Variants in COLEC12 observed in about 807,000 individuals in gnomAD.
COLEC12 encodes collectin-12.
COLEC12 carries 33 observed loss-of-function variants against 71.1 expected under a neutral mutation model. That is an observed-to-expected ratio of 0.46 (90% CI 0.35 to 0.62). The LOEUF is 0.62. Ranked by LOEUF, COLEC12 falls within the 20% of genes least tolerant of loss-of-function variation. The pLI, the probability that COLEC12 is intolerant of heterozygous loss-of-function variation, is 0.00. For missense variants in COLEC12, 765 were observed against 916.1 expected, an observed-to-expected ratio of 0.84 and a Z score of 2.13; for synonymous variants, 350 against 353.0, an observed-to-expected ratio of 0.99 and a Z score of 0.10.
At position 480,434 on chromosome 18, in the gene COLEC12, C is replaced by G. The variant is rs908820098; in HGVS notation, c.58+273G>C. On this transcript the variant is annotated intron_variant, in intron 2 of 9. Transcript: ENST00000400256. The surrounding 1 kb of genome is among the most constrained non-coding windows in gnomAD (Gnocchi z 4.1). ...ATTTGCCTTTCCCGCTACACTTTGT[C>G]TAGTAGGCTGTCTCTTTTCCATTCA... is the stretch of plus-strand genomic sequence containing the variant. Among the ~76,000 whole-genome samples, 8 of 152,342 alleles carry G rather than the reference C, an allele frequency of 5.3e-5. No individual in the cohort carries two copies. Among genetic ancestry groups the G allele is most frequent in the Admixed American group, 5.2e-4 (8 of 15,296 alleles).
intron 3 of COLEC12, 48 bp from the exon 4 acceptor site, chr18:348,211 T>A (rs773414418): frequency 8.5e-7 from 1 of 1,171,296 alleles, no homozygotes; most frequent in Non-Finnish European, 1.3e-6. Flanking sequence ...GCTCATATTT[T>A]ATTTTTCAGT....
chr18:446,619 G>A (rs1179931960), intron 2 of COLEC12, among the ~76,000 whole-genome samples: 2 of 150,922 alleles, frequency 1.3e-5, no homozygotes, highest in Non-Finnish European at 2.9e-5. Context: ...TGAGGTGGGA[G>A]AATTGCTCGA....
chr18:453,754 T>C (rs1175220829), intron 2 of COLEC12, among the ~76,000 whole-genome samples: 1 of 152,198 alleles, frequency 6.6e-6, no homozygotes, highest in Non-Finnish European at 1.5e-5. Context: ...ATAATAAGCA[T>C]CGCAAACTTG....
chr18:460,841 C>G (rs997132619), intron 2 of COLEC12, among the ~76,000 whole-genome samples: 37 of 152,168 alleles, frequency 2.4e-4, no homozygotes, highest in Non-Finnish European at 5.9e-5. Context: ...TTATCTCAGG[C>G]CAGCCCTTAT....
chr18:498,345 T>C (rs56110328), intron 1 of COLEC12, among the ~76,000 whole-genome samples: 29,394 of 146,992 alleles, frequency 0.2, 3,577 homozygotes, highest in African/African-American at 0.32. Context: ...GGCAAAACTC[T>C]CATGGAATAT....
rs770217393 is a variant in COLEC12, at chr18:357,436, AG to A, written c.144del (p.Leu49CysfsTer2). 1 of 1,604,246 alleles carries A rather than the reference AG, an allele frequency of 6.2e-7. No individual in the cohort carries two copies. The highest frequency in any genetic ancestry group is 8.5e-7 in the Non-Finnish European group (1 of 1,176,712). On this transcript the variant is annotated frameshift_variant, in exon 3 of 10. Transcript: ENST00000400256. LOFTEE classifies it high-confidence loss of function. ...AAAATGGCTACTGTGATTGTTAGCAAGGCACACAAAATGTATAATAATATGA... is the reference window on the plus strand; with the variant it reads ...AAAATGGCTACTGTGATTGTTAGCAAGCACACAAAATGTATAATAATATGA... ...FSIILLYILCALLTITVAILG... is the reference protein window; with the variant it reads ...FSIILLYILCXLLTITVAILG...
chr18:486,948 C>T (rs1012301467), intron 1 of COLEC12, among the ~76,000 whole-genome samples: 1 of 152,108 alleles, frequency 6.6e-6, no homozygotes, highest in African/African-American at 2.4e-5. Context: ...ACCATACAAT[C>T]CAGCAATTCT....
intron 2 of COLEC12, among the ~76,000 whole-genome samples, chr18:442,365 C>T (rs573075281): frequency 6.6e-6 from 1 of 152,188 alleles, no homozygotes; most frequent in Non-Finnish European, 1.5e-5. Context: ...ACTTGACTGG[C>T]ATGACCTTGG....
At chr18:478,189 C>T (rs1917341183) in intron 2 of COLEC12, among the ~76,000 whole-genome samples, 1 of 152,174 alleles carries the variant, frequency 6.6e-6, no homozygotes, top group Admixed American at 6.5e-5. Context: ...CTGAGCCCTT[C>T]CCCAAAACGA....
At chr18:396,836 G>A (rs765522615) in intron 2 of COLEC12, among the ~76,000 whole-genome samples, 11 of 152,340 alleles carry the variant, frequency 7.2e-5, no homozygotes, top group South Asian at 2.1e-4. Flanking sequence ...GCCACACTTG[G>A]ATGATTAAAT....
chr18:473,956 C>T (rs1395321602), intron 2 of COLEC12, among the ~76,000 whole-genome samples: 1 of 152,092 alleles, frequency 6.6e-6, no homozygotes, highest in South Asian at 2.1e-4. Flanking sequence ...GAATGAAAAC[C>T]AGAGAGAGTG....
intron 6 of COLEC12, 103 bp from the exon 7 acceptor site, chr18:333,246 C>G (rs1233269356): frequency 2.0e-6 from 2 of 976,012 alleles, no homozygotes; most frequent in Non-Finnish European, 3.1e-6. Context: ...CCGCTGGGAG[C>G]AGCCTGAGCG....
intron 8 of COLEC12, 87 bp from the exon 9 acceptor site, chr18:321,894 A>G (rs1913715220): frequency 2.3e-6 from 3 of 1,281,636 alleles, no homozygotes; most frequent in Non-Finnish European, 3.3e-6. Flanking sequence ...ATAAAAAAAC[A>G]AAATTGAAGC....
In COLEC12 at chr18:347,339, C is replaced by G. The variant is rs1330446306; in HGVS notation, c.283G>C (p.Asp95His). ...CTGATAGCTTTCTTCCCAGTTTGGT[C>G]ACCTGGAATAAGAAATATCTGTGAC... ...AVESDLKKLG[D>H]QTGKKAISTN... The change falls in exon 5 of 10, where the codon GAC becomes CAC. Residue 95 changes from aspartate (D) to histidine (H), a missense_variant and splice_region_variant. Asp to His is a moderately conservative substitution (Grantham distance 81, BLOSUM62 -1). Transcript: ENST00000400256. 1.9e-6 allele frequency: 3 copies of G among 1,609,900 alleles called. No individual in the cohort carries two copies. The highest frequency in any genetic ancestry group is 2.5e-6 in the Non-Finnish European group (3 of 1,177,146).
intron 2 of COLEC12, among the ~76,000 whole-genome samples, chr18:458,897 C>T (rs982670022): frequency 7.9e-5 from 12 of 152,204 alleles, no homozygotes; most frequent in Non-Finnish European, 1.5e-4. Context: ...TGCAGTGGCA[C>T]GATCATGGTT....
At chr18:478,707 T>C (rs761683241) in intron 2 of COLEC12, among the ~76,000 whole-genome samples, 6 of 152,230 alleles carry the variant, frequency 3.9e-5, no homozygotes, top group Non-Finnish European at 7.3e-5. Flanking sequence ...ATCCATCGCC[T>C]TGCCTAGAGG....
intron 2 of COLEC12, among the ~76,000 whole-genome samples, chr18:360,684 A>G (rs1051183336): frequency 6.6e-6 from 1 of 152,202 alleles, no homozygotes; most frequent in South Asian, 2.1e-4. Context: ...TGCAAGGCCT[A>G]GGTGGCAACT....
intron 2 of COLEC12, among the ~76,000 whole-genome samples, chr18:369,840 C>T (rs1914962120): frequency 6.6e-6 from 1 of 152,052 alleles, no homozygotes; most frequent in South Asian, 2.1e-4. Context: ...GGTGGCATAG[C>T]AAAGTCAAGA....
chr18:458,716 G>C (rs1263321700), intron 2 of COLEC12, among the ~76,000 whole-genome samples: 1 of 152,212 alleles, frequency 6.6e-6, no homozygotes, highest in Non-Finnish European at 1.5e-5. Context: ...TAGGATCACA[G>C]ATTCTGTCTC....
Sources: allele counts gnomAD v4.1 joint callset (sites outside exome capture counted in the v4.1 genomes callset), GRCh38; gene constraint gnomAD v4.1.1; non-coding constraint Gnocchi (gnomAD v3.1); transcripts MANE v1.5; gene names NCBI Gene and HGNC (gene_info 2026-07-23, HGNC 2026-07-21).